RIPOR2: variants seen among roughly 807,000 people sequenced by gnomAD.
The protein encoded by RIPOR2 is rho family-interacting cell polarization regulator 2.
Under a neutral mutation model 114.5 loss-of-function variants are expected in RIPOR2, and 39 were observed. The observed-to-expected ratio is 0.34, with a 90% CI of 0.26 to 0.44. The LOEUF is 0.44. Among genes scored for constraint, RIPOR2 ranks in the 20% least tolerant of loss-of-function variants. RIPOR2 has a pLI of 1.00. For missense variants in RIPOR2, 1,007 were observed against 1,255.1 expected, an observed-to-expected ratio of 0.80 and a Z score of 2.99; for synonymous variants, 445 against 484.4, an observed-to-expected ratio of 0.92 and a Z score of 1.07.
chr6:24,866,243 ACTTTT>A (rs112957524), intron 6 of RIPOR2, among the ~76,000 whole-genome samples: 1 of 151,922 alleles, frequency 6.6e-6, no homozygotes, highest in African/African-American at 2.4e-5. Flanking sequence ...ATATAAATGA[ACTTTT>A]CTTTTGCTAC....
intron 1 of RIPOR2, among the ~76,000 whole-genome samples, chr6:24,932,628 T>G (rs982045166): frequency 1.3e-5 from 2 of 152,206 alleles, no homozygotes; most frequent in Non-Finnish European, 2.9e-5. Flanking sequence ...TTGACTCATT[T>G]TTTTTCTTCC....
At chr6:24,965,860 A>G (rs922651058) in intron 1 of RIPOR2, among the ~76,000 whole-genome samples, 12 of 152,218 alleles carry the variant, frequency 7.9e-5, no homozygotes, top group African/African-American at 2.9e-4. Flanking sequence ...GCTCCATCTC[A>G]GTAACTTTCA....
At chr6:24,889,561 C>T (rs1767132420) in intron 1 of RIPOR2, among the ~76,000 whole-genome samples, 1 of 151,998 alleles carries the variant, frequency 6.6e-6, no homozygotes, top group Admixed American at 6.5e-5. Flanking sequence ...TGGAGTGAAC[C>T]TCTTACATGG....
At chr6:24,932,803 T>A (rs1372675872) in intron 1 of RIPOR2, among the ~76,000 whole-genome samples, 2 of 152,232 alleles carry the variant, frequency 1.3e-5, no homozygotes, top group African/African-American at 4.8e-5. Context: ...GCATTTTCCT[T>A]TTTTTATGTT....
chr6:24,870,284 T>A (rs572639741), intron 5 of RIPOR2, among the ~76,000 whole-genome samples: 19 of 152,292 alleles, frequency 1.2e-4, no homozygotes, highest in African/African-American at 4.1e-4. Flanking sequence ...GGTAAAGGCC[T>A]CCAAACGCCT....
chr6:24,930,631 G>A (rs772092208), intron 1 of RIPOR2, among the ~76,000 whole-genome samples: 3 of 152,226 alleles, frequency 2.0e-5, no homozygotes, highest in Non-Finnish European at 2.9e-5. Context: ...AGTAATCCAA[G>A]GCAGAGGTCA....
At chr6:24,874,833 T>A (rs35158242) in intron 2 of RIPOR2, among the ~76,000 whole-genome samples, 6,759 of 152,310 alleles carry the variant, frequency 0.044, 199 homozygotes, top group South Asian at 0.1. Context: ...GTAGCTTTTT[T>A]AAAAGCTTTA....
chr6:24,810,825 G>A (rs56926383), intron 20 of RIPOR2, among the ~76,000 whole-genome samples: 18,984 of 151,558 alleles, frequency 0.13, 1,349 homozygotes, highest in Non-Finnish European at 0.14. Context: ...TTTTCTTTGA[G>A]ACAGAGTCTC....
At chr6:24,962,200 T>A (rs393228) in intron 1 of RIPOR2, among the ~76,000 whole-genome samples, 61 of 152,192 alleles carry the variant, frequency 4.0e-4, no homozygotes, top group Non-Finnish European at 7.4e-4. Flanking sequence ...GACCACCAGA[T>A]TAAGAAAAGT....
chr6:24,839,699 C>T, intron 13 of RIPOR2: 1 of 1,497,998 alleles, frequency 6.7e-7, no homozygotes, highest in Non-Finnish European at 8.8e-7. Context: ...ACTGCTATAT[C>T]CCTCTGCCTA....
chr6:24,904,824 G>T (rs1357606370), intron 1 of RIPOR2, among the ~76,000 whole-genome samples: 1 of 152,188 alleles, frequency 6.6e-6, no homozygotes, highest in Non-Finnish European at 1.5e-5. Flanking sequence ...GCCCAGGCTG[G>T]AGTGCAGTGG....
Position 25,030,003 on chromosome 6 carries a change from C to A in RIPOR2, c.76+11848G>T, listed in dbSNP as rs369304078. Among the ~76,000 whole-genome samples the A allele has an allele frequency of 3.5e-4, 53 of 151,988 alleles. No homozygotes were observed. The South Asian group carries it at 0.01, about 30-fold the overall frequency. On this transcript the variant is annotated intron_variant, in intron 1 of 13. Transcript: ENST00000510784. ...CTAGACAGCCAGAAAGCTCTTCAAACCTAGTGGGACTCGTGGTTCCTCCAT... is the reference window on the plus strand; with the variant it reads ...CTAGACAGCCAGAAAGCTCTTCAAAACTAGTGGGACTCGTGGTTCCTCCAT...
intron 1 of RIPOR2, among the ~76,000 whole-genome samples, chr6:25,033,969 G>C (rs1777120466): frequency 6.6e-6 from 1 of 151,636 alleles, no homozygotes; most frequent in Admixed American, 6.6e-5. Context: ...CTATTCATTT[G>C]AAATACAGTT....
intron 6 of RIPOR2, among the ~76,000 whole-genome samples, chr6:24,866,971 T>C (rs1341181817): frequency 6.6e-6 from 1 of 152,204 alleles, no homozygotes; most frequent in Non-Finnish European, 1.5e-5. Context: ...TTTTGGCTGC[T>C]CACTAAAAAG....
rs1777475578 is a variant in RIPOR2, at chr6:25,041,989, C to A, written c.-63G>T. 6.3e-6 allele frequency: 4 copies of A among 638,846 alleles called. 1 individual carries two copies. Among genetic ancestry groups the A allele is most frequent in the Admixed American group, 5.4e-5 (2 of 36,914 alleles). 39.6% of individuals were successfully genotyped at this position (638,846 alleles called of 1,614,324 possible). On this transcript the variant is annotated 5_prime_UTR_variant, in exon 1 of 14. Transcript: ENST00000510784. ...AGGAACAAAAGGGTCTTGCAGCTAT[C>A]CTGGAAGTTAAGTCCAGACGTATAA...
intron 8 of RIPOR2, 59 bp downstream of exon 8, chr6:24,860,914 A>T: frequency 9.1e-7 from 1 of 1,104,004 alleles, no homozygotes; most frequent in South Asian, 1.4e-5. Flanking sequence ...TCAAACTTCA[A>T]GGAGCTCTGC....
intron 1 of RIPOR2, among the ~76,000 whole-genome samples, chr6:24,923,232 A>G (rs1770635301): frequency 6.6e-6 from 1 of 152,230 alleles, no homozygotes; most frequent in Non-Finnish European, 1.5e-5. Flanking sequence ...CAGGCTGAAT[A>G]ATATTCCATT....
chr6:24,880,622 A>G (rs1230380656), intron 1 of RIPOR2, among the ~76,000 whole-genome samples: 2 of 152,236 alleles, frequency 1.3e-5, no homozygotes, highest in African/African-American at 4.8e-5. Flanking sequence ...ACAAGATCAT[A>G]TAACTCTGTT....
At chr6:25,024,314 G>A in intron 1 of RIPOR2, 1 of 1,512,330 alleles carries the variant, frequency 6.6e-7, no homozygotes, top group Non-Finnish European at 9.2e-7. Flanking sequence ...ACACCTTTTT[G>A]GCCCCAAGTT....
Sources: gnomAD v4.1 joint callset for allele counts (sites outside exome capture counted in the v4.1 genomes callset) on GRCh38, gnomAD v4.1.1 for gene constraint, MANE v1.5 for transcripts, NCBI Gene and HGNC (gene_info 2026-07-23, HGNC 2026-07-21) for gene names.